JAK1: variants seen among roughly 807,000 people sequenced by gnomAD.
JAK1 encodes Janus kinase 1.
In JAK1, 16 loss-of-function variants were observed where a neutral mutation model predicts 136.6. The observed-to-expected ratio is 0.12, with a 90% CI of 0.08 to 0.18. The LOEUF (loss-of-function observed/expected upper bound fraction) is 0.18. Among genes scored for constraint, JAK1 ranks in the 10% least tolerant of loss-of-function variants. The probability of loss-of-function intolerance (pLI) is 1.00; values close to 1 mark genes in which losing one functional copy is unlikely to be tolerated. For missense variants in JAK1, 859 were observed against 1,450.1 expected (o/e 0.59, Z 6.62); for synonymous variants, 492 against 519.5 (o/e 0.95, Z 0.72).
At chr1:65,025,960 T>C (rs969366406) in intron 2 of JAK1, among the ~76,000 whole-genome samples, 1 of 152,168 alleles carries the variant, frequency 6.6e-6, no homozygotes, top group Admixed American at 6.5e-5. Flanking sequence ...ATTACAGGCA[T>C]GAGCCACCAC....
chr1:64,927,461 A>C (rs1409865264), intron 1 of JAK1, among the ~76,000 whole-genome samples: 1 of 152,250 alleles, frequency 6.6e-6, no homozygotes, highest in Non-Finnish European at 1.5e-5. Context: ...GAGGCTCAGA[A>C]AGTTTAATAA....
At chr1:64,889,129 T>C (rs1280084422) in intron 1 of JAK1, among the ~76,000 whole-genome samples, 1 of 152,240 alleles carries the variant, frequency 6.6e-6, no homozygotes, top group African/African-American at 2.4e-5. Context: ...CTGATTATTT[T>C]TAGAGCAAGT....
chr1:64,860,361 C>T, intron 8 of JAK1, 99 bp from the exon 9 acceptor site: 10 of 836,906 alleles, frequency 1.2e-5, no homozygotes, highest in Non-Finnish European at 1.7e-5. Flanking sequence ...TTTTTATAAC[C>T]CAATGGGAAC....
chr1:64,884,256 T>A (rs770637788), intron 2 of JAK1, among the ~76,000 whole-genome samples: 1 of 152,048 alleles, frequency 6.6e-6, no homozygotes, highest in African/African-American at 2.4e-5. Context: ...AGAACCAACC[T>A]CAGCAACTTA....
intron 1 of JAK1, among the ~76,000 whole-genome samples, chr1:64,917,124 G>A (rs1289026094): frequency 1.3e-5 from 2 of 151,726 alleles, no homozygotes; most frequent in Non-Finnish European, 2.9e-5. Context: ...TTGGAAACAA[G>A]GGTCTATAAA....
intron 2 of JAK1, among the ~76,000 whole-genome samples, chr1:65,034,605 T>G (rs1348091608): frequency 6.6e-6 from 1 of 152,174 alleles, no homozygotes; most frequent in East Asian, 1.9e-4. Context: ...GGTTTCTCTA[T>G]AAAATGAAGA....
intron 2 of JAK1, chr1:64,986,169 G>A (rs1046396776): frequency 6.7e-6 from 3 of 445,916 alleles, no homozygotes; most frequent in Admixed American, 3.3e-5. Flanking sequence ...GCAGTGGGGC[G>A]ATCTCAGCTC....
At chr1:65,051,236 T>A (rs980103700) in intron 1 of JAK1, among the ~76,000 whole-genome samples, 1 of 152,064 alleles carries the variant, frequency 6.6e-6, no homozygotes, top group Non-Finnish European at 1.5e-5. Flanking sequence ...GAAAGATTCA[T>A]GTCTCAATAT....
At chr1:64,913,713 G>GAAGGAAAGA (rs1557686935) in intron 1 of JAK1, among the ~76,000 whole-genome samples, 1 of 27,634 alleles carries the variant, frequency 3.6e-5, no homozygotes, top group Non-Finnish European at 8.8e-5. Context: ...AGAAGGGAGG[G>GAAGGAAAGA]AGGGAGGGAG....
intron 2 of JAK1, among the ~76,000 whole-genome samples, chr1:65,038,325 A>T (rs1324773074): frequency 1.3e-5 from 2 of 149,408 alleles, no homozygotes; most frequent in Non-Finnish European, 3.0e-5. Context: ...CAGCTTGCTG[A>T]GTAGCTGGGA....
intron 2 of JAK1, among the ~76,000 whole-genome samples, chr1:64,996,690 A>T (rs570343912): frequency 6.6e-6 from 1 of 152,352 alleles, no homozygotes; most frequent in African/African-American, 2.4e-5. Flanking sequence ...TTTTCCCAGC[A>T]CATTAAAACA....
chr1:65,067,184 A>AC (rs1419505868), intron 1 of JAK1, among the ~76,000 whole-genome samples: 2 of 146,446 alleles, frequency 1.4e-5, no homozygotes, highest in African/African-American at 5.1e-5. Flanking sequence ...TCCGCCGCCT[A>AC]CCCCGAGGTG....
At chr1:64,908,985 A>AGAAT (rs200143912) in intron 1 of JAK1, among the ~76,000 whole-genome samples, 2,255 of 152,308 alleles carry the variant, frequency 0.015, 27 homozygotes, top group Middle Eastern at 0.058. Context: ...GCTGAGTGAA[A>AGAAT]GAATGAATGA....
Position 64,847,536 on chromosome 1 carries a change from G to A in JAK1, c.1895C>T (p.Ser632Phe). 1 of 1,614,046 alleles carries A rather than the reference G, an allele frequency of 6.2e-7. No homozygotes were observed. The highest frequency in any genetic ancestry group is 8.5e-7 in the Non-Finnish European group (1 of 1,179,990). The stretch of plus-strand genomic sequence containing the variant: ...AGTTCAGAGGAAGACACTTGCCAGG[G>A]AAATATCCCTGTGGCTGGGGTCTAA... ...KVLDPSHRDI[S>F]LAFFEAASMM... Residue 632 changes from serine (S) to phenylalanine (F), a missense_variant, in exon 13 of 25, where the codon TCC becomes TTC. By Grantham distance (155) the Ser-to-Phe change is radical. This residue lies in a region of JAK1 where 409 missense variants were observed against 753.8 expected (regional missense o/e 0.54). Transcript: ENST00000342505.
chr1:64,873,324 C>A, intron 5 of JAK1, 46 bp downstream of exon 5: 6 of 1,611,284 alleles, frequency 3.7e-6, no homozygotes, highest in Non-Finnish European at 5.1e-6. Context: ...TACAATGCCT[C>A]TCCCATCCCA....
chr1:65,038,724 C>T (rs1186437599), intron 2 of JAK1, among the ~76,000 whole-genome samples: 3 of 151,748 alleles, frequency 2.0e-5, no homozygotes, highest in African/African-American at 7.3e-5. Context: ...CTGCAACCTC[C>T]GCCTCCCAGG....
intron 1 of JAK1, among the ~76,000 whole-genome samples, chr1:65,067,095 C>T (rs913295229): frequency 1.3e-5 from 2 of 151,974 alleles, no homozygotes; most frequent in Non-Finnish European, 2.9e-5. Flanking sequence ...AACAACAAAC[C>T]CAGTCCGGCA....
At chr1:64,986,140 T>C (rs1282158564) in intron 2 of JAK1, 1 of 590,562 alleles carries the variant, frequency 1.7e-6, no homozygotes, top group Non-Finnish European at 2.8e-6. Context: ...AGTTTCACTC[T>C]TGTTGCTCAG....
intron 3 of JAK1, among the ~76,000 whole-genome samples, chr1:64,882,153 C>CCG (rs568414223): frequency 6.6e-6 from 1 of 152,218 alleles, no homozygotes; most frequent in Non-Finnish European, 1.5e-5. Context: ...TAAGAGCCTA[C>CCG]TACGCTCTTC....
Sources: gnomAD v4.1 joint callset for allele counts (sites outside exome capture counted in the v4.1 genomes callset) on GRCh38, gnomAD v4.1.1 for gene constraint, gnomAD v4.1.1 regional missense constraint, MANE v1.5 for transcripts, NCBI Gene and HGNC (gene_info 2026-07-23, HGNC 2026-07-21) for gene names.